POP1: variants seen among roughly 807,000 people sequenced by gnomAD.
POP1 encodes the protein ribonucleases P/MRP protein subunit POP1.
Under a neutral mutation model 102.2 loss-of-function variants are expected in POP1, and 75 were observed. The ratio of observed to expected loss-of-function variants is 0.73; its 90% CI spans 0.61 to 0.89. POP1 has a LOEUF of 0.89. Ranked by LOEUF, POP1 falls within the 40% of genes least tolerant of loss-of-function variation. The pLI, the probability that POP1 is intolerant of heterozygous loss-of-function variation, is 0.00. For synonymous variants in POP1, 436 were observed against 464.1 expected (o/e 0.94, Z 0.78); for missense variants, 1,116 against 1,267.4 (o/e 0.88, Z 1.81).
intron 4 of POP1, among the ~76,000 whole-genome samples, chr8:98,129,064 G>A (rs544447317): frequency 6.6e-6 from 1 of 152,152 alleles, no homozygotes; most frequent in African/African-American, 2.4e-5. Flanking sequence ...TTGAAATATA[G>A]GATTTGATAC....
At position 98,157,993 on chromosome 8, in the gene POP1, G is replaced by T; in HGVS notation, c.2797G>T (p.Gly933Trp). The T allele has an allele frequency of 6.2e-7, 1 of 1,612,926 alleles. No individual in the cohort carries two copies. Among genetic ancestry groups the T allele is most frequent in the South Asian group, 1.1e-5 (1 of 91,088 alleles). ...PGRASSDGPA[G>W]EEPVAGQEAL... is the part of the protein sequence containing the mutation. ...ACGTGCCTCTTCTGATGGCCCGGCG[G>T]GGGAAGAGCCCGTGGCTGGGCAGGA... The change falls in exon 16 of 16, where the codon GGG (glycine) becomes TGG (tryptophan). Residue 933 changes from glycine (G) to tryptophan (W), a missense_variant. Gly to Trp is a radical substitution (Grantham distance 184, BLOSUM62 -2). Coordinates refer to ENST00000401707, the MANE Select transcript of POP1 (RefSeq NM_001145860.2).
chr8:98,150,281 G>T (rs1401822824), intron 13 of POP1, among the ~76,000 whole-genome samples: 1 of 152,188 alleles, frequency 6.6e-6, no homozygotes, highest in Non-Finnish European at 1.5e-5. Context: ...ACTTGGCATT[G>T]AGATTCTTTT....
At position 98,158,128 on chromosome 8, in the gene POP1, T is replaced by G; in HGVS notation, c.2932T>G (p.Cys978Gly). 6.2e-7 allele frequency: 1 copy of G among 1,607,082 alleles called. No homozygotes were observed. Among genetic ancestry groups the G allele is most frequent in the Non-Finnish European group, 8.5e-7 (1 of 1,176,924 alleles). Residue 978 changes from cysteine (C) to glycine (G), a missense_variant, in exon 16 of 16, where the codon TGT becomes GGT. Coordinates refer to ENST00000401707, the MANE Select transcript of POP1 (RefSeq NM_001145860.2). ...GGGAGATTTTTCCATGGCTGTTGGCTGTGGAGAAGCCCTGGGGTTTGTTAG... is the reference window on the plus strand; with the variant it reads ...GGGAGATTTTTCCATGGCTGTTGGCGGTGGAGAAGCCCTGGGGTTTGTTAG... ...TQGDFSMAVG[C>G]GEALGFVSLT...
rs1305756243 is a variant in POP1, at chr8:98,138,902, G to A, written c.1363-1176G>A. Among the ~76,000 whole-genome samples, 3 of 149,004 alleles carry A rather than the reference G, an allele frequency of 2.0e-5. No individual in the cohort carries two copies. The Admixed American group carries it at 2.0e-4, about 10-fold the overall frequency. On this transcript the variant is annotated intron_variant, in intron 9 of 15. Transcript: ENST00000401707. Reference sequence around the variant, plus strand: ...GAGCCTCACTCTGTCACCCAGGCTGGAGTGCAGTGGCACAATCTCAGCTCA... The same window carrying A: ...GAGCCTCACTCTGTCACCCAGGCTGAAGTGCAGTGGCACAATCTCAGCTCA...
intron 1 of POP1, among the ~76,000 whole-genome samples, chr8:98,118,827 GA>G (rs1486823973): frequency 6.6e-6 from 1 of 151,314 alleles, no homozygotes; most frequent in African/African-American, 2.4e-5. Context: ...TGTGTTTCAA[GA>G]ATAGTGGATT....
chr8:98,138,040 C>T (rs561788579), intron 9 of POP1, among the ~76,000 whole-genome samples: 1 of 152,316 alleles, frequency 6.6e-6, no homozygotes, highest in Non-Finnish European at 1.5e-5. Context: ...ATCTTCACTG[C>T]TTCTGCTGTA....
intron 9 of POP1, 142 bp from the exon 10 acceptor site, chr8:98,139,935 GT>G (rs1255733023): frequency 1.4e-6 from 1 of 715,756 alleles, no homozygotes; most frequent in African/African-American, 1.8e-5. Flanking sequence ...GTTAAGTATA[GT>G]GGCAACTTCC....
chr8:98,139,577 A>G (rs746054012), intron 9 of POP1, among the ~76,000 whole-genome samples: 9 of 152,112 alleles, frequency 5.9e-5, no homozygotes, highest in Non-Finnish European at 1.2e-4. Flanking sequence ...GTTAAAAAAA[A>G]TTAGCTGGGC....
At chr8:98,128,634 C>A in intron 4 of POP1, 94 bp downstream of exon 4, 1 of 1,403,560 alleles carries the variant, frequency 7.1e-7, no homozygotes. Flanking sequence ...AAATGAAAAC[C>A]AAGGCTGGGC....
chr8:98,142,092 T>C (rs527675029), intron 11 of POP1, among the ~76,000 whole-genome samples: 6 of 152,280 alleles, frequency 3.9e-5, no homozygotes, highest in South Asian at 2.1e-4. Flanking sequence ...AGTTGCAGCA[T>C]TTACTACACC....
In POP1 at chr8:98,157,967, G is replaced by A; in HGVS notation, c.2771G>A (p.Gly924Glu). 1.2e-6 allele frequency: 2 copies of A among 1,613,608 alleles called. No homozygotes were observed. Among genetic ancestry groups the A allele is most frequent in the Non-Finnish European group, 8.5e-7 (1 of 1,180,046 alleles). The change falls in exon 16 of 16, where the codon GGA becomes GAA. Residue 924 changes from glycine (G) to glutamate (E), a missense_variant. By Grantham distance (98) the Gly-to-Glu change is moderately conservative. Coordinates refer to ENST00000401707, the MANE Select transcript of POP1 (RefSeq NM_001145860.2). ...KKKREKRQKP[G>E]RASSDGPAGE... ...AAAAGGGAGAAGAGGCAGAAGCCAG[G>A]ACGTGCCTCTTCTGATGGCCCGGCG...
intron 1 of POP1, among the ~76,000 whole-genome samples, chr8:98,119,090 T>C (rs1480635398): frequency 6.6e-6 from 1 of 152,246 alleles, no homozygotes; most frequent in Non-Finnish European, 1.5e-5. Flanking sequence ...AAATTCTTAT[T>C]CTACTTTGGA....
At chr8:98,123,957 T>C (rs1816115407) in intron 2 of POP1, among the ~76,000 whole-genome samples, 1 of 152,196 alleles carries the variant, frequency 6.6e-6, no homozygotes, top group African/African-American at 2.4e-5. Context: ...CCAAAGCTTA[T>C]TTGTAACCCC....
At position 98,134,279 on chromosome 8, in the gene POP1, T is replaced by A. The variant is rs73701268; in HGVS notation, c.824-193T>A. ...TGGAGTGAACTTGACAGAAAGAAAC[T>A]TGAAGCTCTCATTACTCATTTAACA... is the stretch of plus-strand genomic sequence containing the variant. On this transcript the variant is annotated intron_variant, in intron 6 of 15. Coordinates refer to ENST00000401707, the MANE Select transcript of POP1 (RefSeq NM_001145860.2). Among the ~76,000 whole-genome samples the A allele has an allele frequency of 0.073, 11,066 of 152,282 alleles. 621 individuals carry two copies. Among genetic ancestry groups the A allele is most frequent in the Middle Eastern group, 0.16 (48 of 294 alleles).
intron 14 of POP1, among the ~76,000 whole-genome samples, chr8:98,152,610 T>C (rs757580330): frequency 9.9e-5 from 15 of 152,258 alleles, no homozygotes; most frequent in Non-Finnish European, 1.8e-4. Context: ...TTTTGCTTTT[T>C]CAACCATTTA....
intron 2 of POP1, among the ~76,000 whole-genome samples, chr8:98,124,621 A>G (rs576714743): frequency 6.6e-6 from 1 of 152,314 alleles, no homozygotes; most frequent in East Asian, 1.9e-4. Context: ...TATCCCCACT[A>G]GGAGGAATGG....
intron 3 of POP1, 51 bp downstream of exon 3, chr8:98,127,813 C>G (rs759759178): frequency 1.3e-6 from 2 of 1,582,302 alleles, no homozygotes; most frequent in South Asian, 2.2e-5. Context: ...ACTCTCGTGT[C>G]TAGTGCAGCA....
rs143675510 is a variant in POP1 at position 98,129,979 on chromosome 8, C to T, written c.488C>T (p.Ala163Val). The T allele has an allele frequency of 3.7e-4, 605 of 1,613,804 alleles. No individual in the cohort carries two copies. Among genetic ancestry groups the T allele is most frequent in the Non-Finnish European group, 4.5e-4 (535 of 1,179,872 alleles). ...ATGTCCCTCTACTTGAAACTATAGGCGGAGAAAGCCGTACATCAGAAAAAA... is the reference window on the plus strand; with the variant it reads ...ATGTCCCTCTACTTGAAACTATAGGTGGAGAAAGCCGTACATCAGAAAAAA... ...RRLQEIAQKE[A>V]EKAVHQKKEH... The change falls in exon 5 of 16, where the codon GCG becomes GTG. Residue 163 changes from alanine to valine, a missense_variant and splice_region_variant. Physicochemically the swap from Ala to Val is moderately conservative, Grantham distance 64. Transcript: ENST00000401707.
rs370284594 is a variant in POP1, at chr8:98,128,422, C to A, written c.368C>A (p.Thr123Asn). The A allele has an allele frequency of 1.2e-6, 2 of 1,614,026 alleles. No homozygotes were observed. The highest frequency in any genetic ancestry group is 1.7e-6 in the Non-Finnish European group (2 of 1,180,012). ...AEISAMLKAV[T>N]QKSSNSLVFQ... ...ATCAGTGCTATGTTAAAAGCTGTGA[C>A]CCAGAAGTCTTCGAATTCACTGGTT... Residue 123 changes from threonine (T) to asparagine (N), a missense_variant, in exon 4 of 16, where the codon ACC becomes AAC. Transcript: ENST00000401707.
Sources: gnomAD v4.1 joint callset for allele counts (sites outside exome capture counted in the v4.1 genomes callset) on GRCh38, gnomAD v4.1.1 for gene constraint, MANE v1.5 for transcripts, NCBI Gene and HGNC (gene_info 2026-07-23, HGNC 2026-07-21) for gene names.